The following DPYD variants were observed in gnomAD, a reference collection of about 807,000 sequenced individuals.
DPYD encodes dihydropyrimidine dehydrogenase.
Under a neutral mutation model 116.2 loss-of-function variants are expected in DPYD, and 109 were observed. That is an observed-to-expected ratio of 0.94 (90% CI 0.80 to 1.10). The LOEUF (loss-of-function observed/expected upper bound fraction) is 1.10. Among genes scored for constraint, DPYD ranks in the 50% least tolerant of loss-of-function variants. The probability of loss-of-function intolerance (pLI) is 0.00; values close to 1 mark genes in which losing one functional copy is unlikely to be tolerated. For missense variants in DPYD, 1,302 were observed against 1,254.5 expected (o/e 1.04, Z -0.57); for synonymous variants, 440 against 432.0 (o/e 1.02, Z -0.23).
intron 13 of DPYD, among the ~76,000 whole-genome samples, chr1:97,488,673 C>T (rs778519830): frequency 6.6e-6 from 1 of 152,092 alleles, no homozygotes; most frequent in Non-Finnish European, 1.5e-5. Context: ...AAAACAGGGC[C>T]AGGGCAGAAG....
At position 97,078,511 on chromosome 1, in the gene DPYD, A is replaced by G. The variant is rs898744985; in HGVS notation, c.*465T>C. ...TATGGAGCTAACTACATTTTCTTAG[A>G]AACAGCATTAAAATTAAAGGTAATT... On this transcript the variant is annotated 3_prime_UTR_variant, in exon 23 of 23. Coordinates refer to ENST00000370192, the MANE Select transcript of DPYD (RefSeq NM_000110.4). The G allele has an allele frequency of 5.5e-6, 1 of 183,370 alleles. No individual in the cohort carries two copies. The highest frequency in any genetic ancestry group is 5.5e-5 in the Admixed American group (1 of 18,324). The allele number at this position is 183,370 out of a possible 1,614,324, so 11.4% of individuals were successfully genotyped here.
intron 18 of DPYD, among the ~76,000 whole-genome samples, chr1:97,294,139 A>G (rs1383544477): frequency 6.6e-6 from 1 of 152,122 alleles, no homozygotes; most frequent in East Asian, 1.9e-4. Context: ...TCATCAACCG[A>G]ATGTGCTAAA....
intron 11 of DPYD, 33 bp downstream of exon 11, chr1:97,573,727 T>C (rs1220065144): frequency 2.5e-6 from 4 of 1,612,484 alleles, no homozygotes; most frequent in Middle Eastern, 1.7e-4. Context: ...TAACAGACAA[T>C]TGCATCACAC....
intron 3 of DPYD, among the ~76,000 whole-genome samples, chr1:97,787,035 C>T (rs1667075283): frequency 6.6e-6 from 1 of 152,166 alleles, no homozygotes; most frequent in Non-Finnish European, 1.5e-5. Context: ...GAACTAAGAA[C>T]AGTCCTTAAA....
At chr1:97,264,949 G>A (rs1284068425) in intron 18 of DPYD, among the ~76,000 whole-genome samples, 1 of 152,028 alleles carries the variant, frequency 6.6e-6, no homozygotes, top group Non-Finnish European at 1.5e-5. Flanking sequence ...ATATGGTTAT[G>A]AGAAAGACAA....
chr1:97,537,458 T>C (rs551584168), intron 12 of DPYD, among the ~76,000 whole-genome samples: 1 of 152,100 alleles, frequency 6.6e-6, no homozygotes. Context: ...TGTCCCCAAA[T>C]CAGAAATTGT....
intron 18 of DPYD, among the ~76,000 whole-genome samples, chr1:97,251,391 T>TAAAAAAAAAA (rs10581072): frequency 2.0e-4 from 19 of 95,318 alleles, no homozygotes; most frequent in South Asian, 4.6e-4. Flanking sequence ...AAACTCTGTC[T>TAAAAAAAAAA]AAAAAAAAAA....
chr1:97,445,988 A>T (rs1333152367), intron 14 of DPYD, among the ~76,000 whole-genome samples: 1 of 152,126 alleles, frequency 6.6e-6, no homozygotes, highest in African/African-American at 2.4e-5. Context: ...TGGCCTCCCA[A>T]AGTGCTGGGA....
At chr1:97,266,972 C>T (rs144895542) in intron 18 of DPYD, among the ~76,000 whole-genome samples, 6,166 of 152,156 alleles carry the variant, frequency 0.041, 155 homozygotes, top group Middle Eastern at 0.11. Context: ...CTATTGTGAA[C>T]AGTGCTGCAA....
intron 13 of DPYD, among the ~76,000 whole-genome samples, chr1:97,487,343 C>T (rs115402613): frequency 0.019 from 2,945 of 152,142 alleles, 87 homozygotes; most frequent in African/African-American, 0.065. Context: ...TGTGAAAAGA[C>T]GTTCAATGTC....
intron 20 of DPYD, among the ~76,000 whole-genome samples, chr1:97,178,692 C>T (rs1657455164): frequency 6.6e-6 from 1 of 152,106 alleles, no homozygotes; most frequent in Non-Finnish European, 1.5e-5. Context: ...TAATTTTTCA[C>T]AGGGCTAAAG....
intron 18 of DPYD, among the ~76,000 whole-genome samples, chr1:97,287,778 C>T (rs906641684): frequency 3.9e-5 from 6 of 151,998 alleles, no homozygotes; most frequent in East Asian, 1.9e-4. Flanking sequence ...TTAAGCCTGT[C>T]GGAAACTCTC....
intron 18 of DPYD, among the ~76,000 whole-genome samples, chr1:97,283,996 A>AAAGGCAGCCGATAT (rs1665497045): frequency 6.6e-6 from 1 of 152,118 alleles, no homozygotes; most frequent in Admixed American, 6.5e-5. Flanking sequence ...CTCCTTAATA[A>AAAGGCAGCCGATAT]AAGGCAGCCG....
At chr1:97,410,623 T>C (rs761556009) in intron 14 of DPYD, among the ~76,000 whole-genome samples, 7 of 152,316 alleles carry the variant, frequency 4.6e-5, no homozygotes, top group Non-Finnish European at 8.8e-5. Flanking sequence ...ATCATCTTTA[T>C]ATGCTCCTTT....
At chr1:97,912,809 T>G (rs560758956) in intron 1 of DPYD, among the ~76,000 whole-genome samples, 1 of 152,238 alleles carries the variant, frequency 6.6e-6, no homozygotes, top group East Asian at 1.9e-4. Context: ...TTCTTTGAAC[T>G]GTGGAGAAGT....
At position 97,106,435 on chromosome 1, in the gene DPYD, C is replaced by A. The variant is rs534804571; in HGVS notation, c.2623-7803G>T. 3.3e-5 allele frequency among the ~76,000 whole-genome samples: 5 copies of A among 152,192 alleles called. No individual in the cohort carries two copies. In the East Asian group the frequency reaches 9.7e-4, roughly 29 times the overall value. Reference sequence around the variant, plus strand: ...GAGTAAAGAGAATGTGGGCGGGCATCCCCCAATTGGTTGATGGACTGCATA... The same window carrying A: ...GAGTAAAGAGAATGTGGGCGGGCATACCCCAATTGGTTGATGGACTGCATA... On this transcript the variant is annotated intron_variant, in intron 20 of 22. Coordinates refer to ENST00000370192, the MANE Select transcript of DPYD (RefSeq NM_000110.4).
chr1:97,775,196 T>C (rs1375479563), intron 3 of DPYD, among the ~76,000 whole-genome samples: 1 of 152,198 alleles, frequency 6.6e-6, no homozygotes, highest in Non-Finnish European at 1.5e-5. Context: ...GTTAGATAAA[T>C]GGTATATTTT....
intron 13 of DPYD, among the ~76,000 whole-genome samples, chr1:97,504,376 G>GT (rs1374973300): frequency 6.6e-6 from 1 of 151,998 alleles, no homozygotes; most frequent in African/African-American, 2.4e-5. Flanking sequence ...GAAAGGAAAT[G>GT]TAAGATTTTC....
chr1:97,257,434 C>T (rs78805405), intron 18 of DPYD, among the ~76,000 whole-genome samples: 14 of 95,424 alleles, frequency 1.5e-4, no homozygotes, highest in African/African-American at 8.1e-4. Flanking sequence ...CATATACATA[C>T]GTATATATAT....
Sources: gnomAD v4.1 joint callset for allele counts (sites outside exome capture counted in the v4.1 genomes callset) on GRCh38, gnomAD v4.1.1 for gene constraint, MANE v1.5 for transcripts, NCBI Gene and HGNC (gene_info 2026-07-23, HGNC 2026-07-21) for gene names.